MROH2A: variants seen among roughly 807,000 people sequenced by gnomAD.
MROH2A encodes the protein maestro heat-like repeat-containing protein family member 2A.
Under a neutral mutation model 200.4 loss-of-function variants are expected in MROH2A, and 174 were observed. That is an observed-to-expected ratio of 0.87 (90% CI 0.77 to 0.98). The LOEUF is 0.98. MROH2A is among the 50% of genes least tolerant of loss of function. MROH2A has a pLI of 0.00. For synonymous variants in MROH2A, 829 were observed against 840.4 expected (o/e 0.99, Z 0.23); for missense variants, 2,045 against 2,139.6 (o/e 0.96, Z 0.87).
rs1356766810 is a variant in MROH2A, at chr2:233,787,836, CATATATATTATATATACATATATATT to C, written c.277-1653_277-1628del. Among the ~76,000 whole-genome samples, 6 of 14,070 alleles carry C rather than the reference CATATATATTATATATACATATATATT, an allele frequency of 4.3e-4. 1 individual carries two copies. The highest frequency in any genetic ancestry group is 1.5e-3 in the African/African-American group (6 of 4,100). 9.2% of individuals were successfully genotyped at this position (14,070 alleles called of 152,430 possible). On this transcript the variant is annotated intron_variant, in intron 3 of 41. Transcript: ENST00000389758. ...TTATATATAATATATATTATATATACATATATATTATATATACATATATATTATATATACATATATATTATATATAC... is the reference window on the plus strand; with the variant it reads ...TTATATATAATATATATTATATATACATATATACATATATATTATATATAC...
intron 3 of MROH2A, among the ~76,000 whole-genome samples, chr2:233,785,856 T>C (rs1213269930): frequency 6.6e-6 from 1 of 152,136 alleles, no homozygotes; most frequent in Non-Finnish European, 1.5e-5. Context: ...TGGAGTACTA[T>C]AGTATGGGTG....
Position 233,828,524 on chromosome 2 carries a change from C to G in MROH2A, c.4114-106C>G. On this transcript the variant is annotated intron_variant, in intron 35 of 41. Transcript: ENST00000389758. This position sits in a 1 kb window ranked among gnomAD's most constrained non-coding sequence, Gnocchi z 4.6. The stretch of plus-strand genomic sequence containing the variant: ...GGAGGCTCTCAGAGCCCCTCCCCTC[C>G]TGTCCACAGAGCCACCAATCTGCAT... 7.2e-7 allele frequency: 1 copy of G among 1,385,994 alleles called. No individual in the cohort carries two copies. The allele number at this position is 1,385,994 out of a possible 1,614,324, so 85.9% of individuals were successfully genotyped here.
Position 233,784,873 on chromosome 2 carries a change from G to A in MROH2A, c.277-4624G>A, listed in dbSNP as rs144076440. On this transcript the variant is annotated intron_variant, in intron 3 of 41. Transcript: ENST00000389758. ...ACGGGCTTTTAAAAAATGTAGGCCAGGCGCAGTGGCTCATGCCACTTTGGG... is the reference window on the plus strand; with the variant it reads ...ACGGGCTTTTAAAAAATGTAGGCCAAGCGCAGTGGCTCATGCCACTTTGGG... Among the ~76,000 whole-genome samples, 483 of 152,298 alleles carry A rather than the reference G, an allele frequency of 3.2e-3. 4 individuals are homozygous for A. The highest frequency in any genetic ancestry group is 0.011 in the African/African-American group (458 of 41,580).
chr2:233,817,762 G>A (rs1703638034), intron 27 of MROH2A, among the ~76,000 whole-genome samples: 1 of 152,232 alleles, frequency 6.6e-6, no homozygotes, highest in South Asian at 2.1e-4. Context: ...GCAGAGCTGA[G>A]TCAGAGGGAG....
chr2:233,801,511 G>T (rs969262657), intron 14 of MROH2A, among the ~76,000 whole-genome samples: 1 of 152,180 alleles, frequency 6.6e-6, no homozygotes, highest in South Asian at 2.1e-4. Context: ...ATGCAGTTGT[G>T]GGGGCTGGCA....
chr2:233,825,462 C>T (rs1038068957), intron 35 of MROH2A, among the ~76,000 whole-genome samples: 6 of 152,134 alleles, frequency 3.9e-5, no homozygotes, highest in Admixed American at 6.5e-5. Flanking sequence ...GTGGGTTTGT[C>T]ATAAATGGCT....
intron 21 of MROH2A, among the ~76,000 whole-genome samples, chr2:233,808,308 C>T (rs1317661985): frequency 6.6e-6 from 1 of 152,194 alleles, no homozygotes; most frequent in Non-Finnish European, 1.5e-5. Context: ...AGGGTGAGAA[C>T]ACTGAAGCTT....
At chr2:233,810,333 C>T (rs183403308) in intron 22 of MROH2A, among the ~76,000 whole-genome samples, 24 of 152,310 alleles carry the variant, frequency 1.6e-4, no homozygotes, top group Non-Finnish European at 2.5e-4. Flanking sequence ...GCACTTCTTA[C>T]ATGGTGGCAG....
intron 31 of MROH2A, 65 bp from the exon 32 acceptor site, chr2:233,822,059 G>A (rs1703973411): frequency 1.3e-6 from 2 of 1,491,916 alleles, no homozygotes; most frequent in African/African-American, 2.8e-5. Flanking sequence ...GGGTTTGAAA[G>A]GGATTCTTAC....
chr2:233,818,424 C>G (rs1478958486), intron 28 of MROH2A, among the ~76,000 whole-genome samples: 1 of 152,006 alleles, frequency 6.6e-6, no homozygotes, highest in Non-Finnish European at 1.5e-5. Context: ...ACAGAGCTGG[C>G]CAGAGCTGAG....
At chr2:233,813,646 C>T in intron 24 of MROH2A, 24 bp from the exon 25 acceptor site, 1 of 1,458,382 alleles carries the variant, frequency 6.9e-7, no homozygotes, top group African/African-American at 1.4e-5. Flanking sequence ...GACTGTTCCT[C>T]TCTTGTCACT....
intron 3 of MROH2A, among the ~76,000 whole-genome samples, chr2:233,788,869 G>C (rs186883814): frequency 7.4e-5 from 11 of 148,836 alleles, no homozygotes; most frequent in Admixed American, 6.9e-4. Flanking sequence ...AACCCGGGAG[G>C]CAGAGCTTGC....
rs1208915675 is a variant in MROH2A at position 233,779,463 on chromosome 2, C to A, written c.94+11C>A. ...AATTACATGACAGTGGTAAGAATGT[C>A]ATCCACATTTCTGCTTTCCTGCCCC... On this transcript the variant is annotated intron_variant, in intron 2 of 41. Transcript: ENST00000389758. 4 of 1,540,602 alleles carry A rather than the reference C, an allele frequency of 2.6e-6. No homozygotes were observed. Among genetic ancestry groups the A allele is most frequent in the South Asian group, 1.2e-5 (1 of 83,852 alleles).
At chr2:233,799,524 T>A (rs1408462651) in intron 12 of MROH2A, among the ~76,000 whole-genome samples, 5 of 152,056 alleles carry the variant, frequency 3.3e-5, no homozygotes, top group African/African-American at 1.2e-4. Flanking sequence ...GCTGCTAGAA[T>A]GGAGCAGCCG....
intron 7 of MROH2A, 56 bp from the exon 8 acceptor site, chr2:233,794,307 T>G: frequency 7.6e-7 from 1 of 1,315,282 alleles, no homozygotes; most frequent in Non-Finnish European, 1.1e-6. Flanking sequence ...CTGAGGTCAC[T>G]GGCCTTGCTG....
chr2:233,803,963 T>G, intron 16 of MROH2A, 88 bp from the exon 17 acceptor site: 1 of 1,478,858 alleles, frequency 6.8e-7, no homozygotes, highest in South Asian at 1.3e-5. Context: ...CTTGTCCAGC[T>G]CCTCCCTTTA....
intron 7 of MROH2A, 59 bp from the exon 8 acceptor site, chr2:233,794,304 C>T: frequency 7.8e-7 from 1 of 1,280,390 alleles, no homozygotes; most frequent in South Asian, 1.3e-5. Flanking sequence ...GGGCTGAGGT[C>T]ACTGGCCTTG....
rs1279831152 is a variant in MROH2A at position 233,820,981 on chromosome 2, C to T, written c.3512+925C>T. On this transcript the variant is annotated intron_variant, in intron 31 of 41. Transcript: ENST00000389758. The surrounding 1 kb of genome is among the most constrained non-coding windows in gnomAD (Gnocchi z 4.1). ...GCTGGGTGGGGGTAAGGGGGATGTG[C>T]GGTGCAGCCCTGGGTCAGGCTGGCG... Among the ~76,000 whole-genome samples, 2 of 152,134 alleles carry T rather than the reference C, an allele frequency of 1.3e-5. No homozygotes were observed. The highest frequency in any genetic ancestry group is 2.9e-5 in the Non-Finnish European group (2 of 68,016).
chr2:233,810,668 C>T (rs1246580887), intron 22 of MROH2A, 126 bp from the exon 23 acceptor site: 2 of 1,259,244 alleles, frequency 1.6e-6, no homozygotes, highest in Non-Finnish European at 2.2e-6. Flanking sequence ...CTGGCCATCT[C>T]TCAGAGCATT....
Sources: allele counts gnomAD v4.1 joint callset (sites outside exome capture counted in the v4.1 genomes callset), GRCh38; gene constraint gnomAD v4.1.1; non-coding constraint Gnocchi (gnomAD v3.1); transcripts MANE v1.5; gene names NCBI Gene and HGNC (gene_info 2026-07-23, HGNC 2026-07-21).